SEMA3A: variants seen among roughly 807,000 people sequenced by gnomAD.
SEMA3A encodes semaphorin-3A.
SEMA3A carries 29 observed loss-of-function variants against 97.9 expected under a neutral mutation model. The observed-to-expected ratio is 0.30, with a 90% CI of 0.22 to 0.40. The LOEUF is 0.40. Among genes scored for constraint, SEMA3A ranks in the 10% least tolerant of loss-of-function variants. SEMA3A has a pLI of 1.00. For synonymous variants in SEMA3A, 321 were observed against 323.7 expected (o/e 0.99, Z 0.09); for missense variants, 763 against 951.3 (o/e 0.80, Z 2.60).
In SEMA3A at chr7:84,014,188, GT is replaced by G. The variant is rs549929435; in HGVS notation, c.810+20del. On this transcript the variant is annotated intron_variant, in intron 7 of 16. Coordinates refer to ENST00000265362, the MANE Select transcript of SEMA3A (RefSeq NM_006080.3). ...TTATGGGAAAATGACATCCTTCTCA[GT>G]TTTTTTTTCTTTACCTCACCTTGCA... is the stretch of plus-strand genomic sequence containing the variant. 1.6e-5 allele frequency: 25 copies of G among 1,550,910 alleles called. No individual in the cohort carries two copies. Among genetic ancestry groups the G allele is most frequent in the South Asian group, 8.4e-5 (7 of 83,698 alleles).
chr7:83,963,249 C>G lies in SEMA3A; in HGVS notation c.1816G>C (p.Val606Leu). 6.2e-7 allele frequency: 1 copy of G among 1,613,606 alleles called. No homozygotes were observed. Among genetic ancestry groups the G allele is most frequent in the Non-Finnish European group, 8.5e-7 (1 of 1,179,992 alleles). Residue 606 changes from valine to leucine, a missense_variant, in exon 16 of 17, where the codon GTC becomes CTC. Transcript: ENST00000265362. ...ECSPKSQRAL[V>L]YWQFQRRNEE... ...TTTCGCCTCTGGAATTGCCAATAGA[C>G]CAGCGCTCTCTGCGACTTCGGACTG... is the stretch of plus-strand genomic sequence containing the variant.
chr7:83,980,623 A>ACAAAACAAAACAAAATATAT (rs1554383377), intron 14 of SEMA3A, among the ~76,000 whole-genome samples: 5 of 71,762 alleles, frequency 7.0e-5, no homozygotes, highest in African/African-American at 4.2e-4. Context: ...AAAAAAAAAA[A>ACAAAACAAAACAAAATATAT]ATATATATAT....
intron 1 of SEMA3A, among the ~76,000 whole-genome samples, chr7:84,413,471 C>T (rs1804336644): frequency 6.6e-6 from 1 of 151,928 alleles, no homozygotes; most frequent in Admixed American, 6.6e-5. Flanking sequence ...CTACAAAAAA[C>T]ACAAAAGTTA....
chr7:84,144,309 C>T (rs1422558713), intron 1 of SEMA3A, among the ~76,000 whole-genome samples: 1 of 151,828 alleles, frequency 6.6e-6, no homozygotes, highest in East Asian at 1.9e-4. Flanking sequence ...AATAAGTTCA[C>T]TAAAATGTAA....
intron 1 of SEMA3A, among the ~76,000 whole-genome samples, chr7:84,416,483 T>A (rs569329967): frequency 6.6e-6 from 1 of 152,254 alleles, no homozygotes; most frequent in East Asian, 1.9e-4. Context: ...AACTTGCTTG[T>A]ACTGCACTCA....
At chr7:84,385,751 A>C (rs1803380616) in intron 1 of SEMA3A, among the ~76,000 whole-genome samples, 1 of 152,172 alleles carries the variant, frequency 6.6e-6, no homozygotes, top group African/African-American at 2.4e-5. Context: ...CGGTTTAATC[A>C]ATTGGAAATA....
intron 1 of SEMA3A, among the ~76,000 whole-genome samples, chr7:84,448,471 T>G (rs1006174930): frequency 1.3e-5 from 2 of 152,136 alleles, no homozygotes; most frequent in Admixed American, 1.3e-4. Flanking sequence ...GACAACACTT[T>G]AAAAATTACT....
chr7:84,382,076 A>G (rs1289387038), intron 1 of SEMA3A, among the ~76,000 whole-genome samples: 1 of 152,132 alleles, frequency 6.6e-6, no homozygotes, highest in African/African-American at 2.4e-5. Context: ...AAATTTTTAA[A>G]GTGGCACTTC....
intron 2 of SEMA3A, among the ~76,000 whole-genome samples, chr7:84,335,372 G>C (rs974980003): frequency 6.6e-6 from 1 of 152,036 alleles, no homozygotes; most frequent in Non-Finnish European, 1.5e-5. Context: ...GTTATTCCCT[G>C]ATAAAAAATA....
At chr7:83,998,352 G>T (rs961293647) in intron 12 of SEMA3A, among the ~76,000 whole-genome samples, 1 of 152,144 alleles carries the variant, frequency 6.6e-6, no homozygotes, top group Non-Finnish European at 1.5e-5. Context: ...AAGTATTTGT[G>T]TATCTAAACG....
intron 1 of SEMA3A, among the ~76,000 whole-genome samples, chr7:84,477,711 A>C (rs568068630): frequency 6.6e-6 from 1 of 152,278 alleles, no homozygotes; most frequent in East Asian, 1.9e-4. Context: ...AAAATAAAGA[A>C]TGAAACAGTG....
chr7:84,427,960 T>G (rs183523805), intron 1 of SEMA3A, among the ~76,000 whole-genome samples: 1 of 152,282 alleles, frequency 6.6e-6, no homozygotes, highest in East Asian at 1.9e-4. Context: ...TGTAGAGTGA[T>G]TCAGCATTTA....
intron 1 of SEMA3A, among the ~76,000 whole-genome samples, chr7:84,380,999 G>C (rs1344494587): frequency 2.0e-5 from 3 of 152,138 alleles, no homozygotes; most frequent in African/African-American, 7.2e-5. Flanking sequence ...AACTCCTTTT[G>C]CCATGTAAGG....
intron 1 of SEMA3A, among the ~76,000 whole-genome samples, chr7:84,481,431 A>G (rs1188075316): frequency 6.6e-6 from 1 of 152,204 alleles, no homozygotes; most frequent in Non-Finnish European, 1.5e-5. Flanking sequence ...TCCAAATTGA[A>G]AGAGCCAGCT....
chr7:83,981,228 A>AGTT (rs1231972194), intron 14 of SEMA3A, 93 bp downstream of exon 14: 3 of 1,382,964 alleles, frequency 2.2e-6, no homozygotes, highest in Non-Finnish European at 3.0e-6. Context: ...CATTAGAAAA[A>AGTT]GTTGATGCAC....
Position 84,011,182 on chromosome 7 carries a change from C to T in SEMA3A, c.925+1G>A, listed in dbSNP as rs1332229323. 2 of 1,610,472 alleles carry T rather than the reference C, an allele frequency of 1.2e-6. No individual in the cohort carries two copies. The highest frequency in any genetic ancestry group is 1.7e-6 in the Non-Finnish European group (2 of 1,176,770). On this transcript the variant is annotated splice_donor_variant, in intron 8 of 16. Coordinates refer to ENST00000265362, the MANE Select transcript of SEMA3A (RefSeq NM_006080.3). LOFTEE classifies it high-confidence loss of function. ...TCTATACATAAACACTAGCTTCTTA[C>T]GCAGTTCATCAAAATGAGTGTCAAT...
intron 2 of SEMA3A, among the ~76,000 whole-genome samples, chr7:84,309,329 T>G (rs1015414028): frequency 2.6e-5 from 4 of 152,156 alleles, no homozygotes; most frequent in African/African-American, 9.7e-5. Context: ...AGTTCTGAGT[T>G]CCTTCTGGTG....
chr7:84,331,178 A>T (rs1251662577), intron 2 of SEMA3A, among the ~76,000 whole-genome samples: 1 of 152,152 alleles, frequency 6.6e-6, no homozygotes, highest in Admixed American at 6.6e-5. Flanking sequence ...AATCTGGATC[A>T]CAAAAATACG....
At chr7:84,479,916 A>G (rs1315369759) in intron 1 of SEMA3A, among the ~76,000 whole-genome samples, 1 of 152,220 alleles carries the variant, frequency 6.6e-6, no homozygotes, top group Admixed American at 6.5e-5. Flanking sequence ...ACACAGCCAA[A>G]GCAAAGCTAG....
Sources: allele counts gnomAD v4.1 joint callset (sites outside exome capture counted in the v4.1 genomes callset), GRCh38; gene constraint gnomAD v4.1.1; transcripts MANE v1.5; gene names NCBI Gene and HGNC (gene_info 2026-07-23, HGNC 2026-07-21).